BICC1: variants seen among roughly 807,000 people sequenced by gnomAD.
BICC1 encodes protein bicaudal C homolog 1.
Under a neutral mutation model 111.0 loss-of-function variants are expected in BICC1, and 43 were observed. The observed-to-expected ratio is 0.39, with a 90% CI of 0.30 to 0.50. The LOEUF is 0.50. Among genes scored for constraint, BICC1 ranks in the 20% least tolerant of loss-of-function variants. The pLI, the probability that BICC1 is intolerant of heterozygous loss-of-function variation, is 0.88. For synonymous variants in BICC1, 467 were observed against 434.4 expected (o/e 1.07, Z -0.93); for missense variants, 1,091 against 1,203.2 (o/e 0.91, Z 1.38).
intron 1 of BICC1, among the ~76,000 whole-genome samples, chr10:58,595,491 AG>A (rs762383858): frequency 1.3e-5 from 2 of 152,334 alleles, no homozygotes; most frequent in Non-Finnish European, 2.9e-5. Context: ...CAAATGCAAA[AG>A]AATGGAAATC....
rs772622061 is a variant in BICC1, at chr10:58,793,552, G to C, written c.1116G>C (p.Ala372=). 1 of 1,613,590 alleles carries C rather than the reference G, an allele frequency of 6.2e-7. No homozygotes were observed. Among genetic ancestry groups the C allele is most frequent in the South Asian group, 1.1e-5 (1 of 90,986 alleles). Residue 372 remains alanine (A), a synonymous_variant, in exon 9 of 21, where the codon GCG becomes GCC. Coordinates refer to ENST00000373886, the MANE Select transcript of BICC1 (RefSeq NM_001080512.3). Reference sequence around the variant, plus strand: ...TTGAAGTAGATCCACAATTCATTGCGCAGTTGATGGAACAGCTTGATGTCT... The same window carrying C: ...TTGAAGTAGATCCACAATTCATTGCCCAGTTGATGGAACAGCTTGATGTCT... ...EEIEVDPQFI[A]QLMEQLDVFI...
chr10:58,527,498 A>G lies in BICC1; in HGVS notation c.190+14165A>G, dbSNP rs1589064000. ...GTTTTTAGTCGTGAAGTCCTTGCCC[A>G]TGCCTGTGTCCTGAATAGTATTGTC... is the stretch of plus-strand genomic sequence containing the variant. On this transcript the variant is annotated intron_variant, in intron 1 of 20. Coordinates refer to ENST00000373886, the MANE Select transcript of BICC1 (RefSeq NM_001080512.3). 3.3e-5 allele frequency among the ~76,000 whole-genome samples: 5 copies of G among 152,284 alleles called. No individual in the cohort carries two copies. The South Asian group carries it at 1.0e-3, about 32-fold the overall frequency.
chr10:58,797,917 T>C (rs1481773446), intron 10 of BICC1, among the ~76,000 whole-genome samples: 1 of 152,190 alleles, frequency 6.6e-6, no homozygotes, highest in Non-Finnish European at 1.5e-5. Flanking sequence ...ATTTAGGAAC[T>C]GTTCTGGTAG....
intron 2 of BICC1, among the ~76,000 whole-genome samples, chr10:58,696,050 T>A (rs1281328746): frequency 6.6e-6 from 1 of 152,178 alleles, no homozygotes; most frequent in Admixed American, 6.6e-5. Flanking sequence ...AATTTGTAAT[T>A]CTAGCTTTTG....
intron 1 of BICC1, among the ~76,000 whole-genome samples, chr10:58,568,344 G>C (rs1843835701): frequency 6.6e-6 from 1 of 152,054 alleles, no homozygotes; most frequent in African/African-American, 2.4e-5. Context: ...GGCTGGCTTG[G>C]GAATGCCTTT....
At chr10:58,673,785 G>A (rs1435428887) in intron 2 of BICC1, among the ~76,000 whole-genome samples, 1 of 58,756 alleles carries the variant, frequency 1.7e-5, no homozygotes, top group Non-Finnish European at 3.6e-5. Flanking sequence ...ACCACGCCCA[G>A]CTTTTTTTTT....
intron 3 of BICC1, among the ~76,000 whole-genome samples, chr10:58,743,610 T>C (rs1312752464): frequency 2.6e-5 from 4 of 151,910 alleles, no homozygotes; most frequent in Non-Finnish European, 5.9e-5. Flanking sequence ...AACATCTCAG[T>C]TATGGTCTTA....
In BICC1 at chr10:58,695,876, T is replaced by C. The variant is rs191734071; in HGVS notation, c.238-6198T>C. ...GATTGAAGAATATGAATGGAAATTA[T>C]TTTTATCATGGATGAAACTACTTGT... On this transcript the variant is annotated intron_variant, in intron 2 of 20. Coordinates refer to ENST00000373886, the MANE Select transcript of BICC1 (RefSeq NM_001080512.3). 1.7e-4 allele frequency among the ~76,000 whole-genome samples: 26 copies of C among 152,352 alleles called. No individual in the cohort carries two copies. The South Asian group carries it at 3.7e-3, about 22-fold the overall frequency.
At chr10:58,665,465 G>A (rs1838979690) in intron 2 of BICC1, among the ~76,000 whole-genome samples, 1 of 151,968 alleles carries the variant, frequency 6.6e-6, no homozygotes, top group South Asian at 2.1e-4. Flanking sequence ...AAACTCCTTG[G>A]CCTCAGAGAG....
At chr10:58,548,766 T>C (rs1366636149) in intron 1 of BICC1, among the ~76,000 whole-genome samples, 1 of 152,174 alleles carries the variant, frequency 6.6e-6, no homozygotes, top group African/African-American at 2.4e-5. Context: ...TATTTATGTA[T>C]ATGCATATAA....
intron 2 of BICC1, among the ~76,000 whole-genome samples, chr10:58,680,380 C>T (rs747443292): frequency 9.9e-5 from 15 of 152,038 alleles, no homozygotes; most frequent in East Asian, 3.9e-4. Flanking sequence ...CATTCCTATA[C>T]GCCAATAACA....
intron 3 of BICC1, among the ~76,000 whole-genome samples, chr10:58,718,794 C>G (rs185977395): frequency 0.016 from 2,178 of 136,144 alleles, 59 homozygotes; most frequent in African/African-American, 0.062. Flanking sequence ...GTGCGCACGC[C>G]CGCGTGCTTA....
chr10:58,692,711 A>C (rs1228553061), intron 2 of BICC1, among the ~76,000 whole-genome samples: 4 of 147,472 alleles, frequency 2.7e-5, no homozygotes, highest in Non-Finnish European at 5.9e-5. Flanking sequence ...GGGAATTGTC[A>C]TACTCAGGAG....
intron 8 of BICC1, among the ~76,000 whole-genome samples, chr10:58,790,710 A>G (rs1417492881): frequency 2.6e-5 from 4 of 152,182 alleles, no homozygotes; most frequent in African/African-American, 9.7e-5. Flanking sequence ...CTGTAATCCC[A>G]GTTACTCAGG....
At chr10:58,583,065 A>G (rs995055833) in intron 1 of BICC1, among the ~76,000 whole-genome samples, 1 of 152,012 alleles carries the variant, frequency 6.6e-6, no homozygotes, top group East Asian at 1.9e-4. Flanking sequence ...CCCTAAACTT[A>G]GTCTTCCTCT....
chr10:58,593,629 A>G (rs1588904877), intron 1 of BICC1, among the ~76,000 whole-genome samples: 1 of 152,176 alleles, frequency 6.6e-6, no homozygotes, highest in Non-Finnish European at 1.5e-5. Flanking sequence ...AGAAAACTCC[A>G]GCAGACTGGC....
intron 1 of BICC1, among the ~76,000 whole-genome samples, chr10:58,588,479 C>G (rs974912336): frequency 2.6e-5 from 4 of 152,180 alleles, no homozygotes; most frequent in Admixed American, 1.3e-4. Context: ...AGAGCTGCTT[C>G]TGCATTTCAT....
At chr10:58,579,270 A>G (rs956759496) in intron 1 of BICC1, among the ~76,000 whole-genome samples, 7 of 152,196 alleles carry the variant, frequency 4.6e-5, no homozygotes, top group South Asian at 2.1e-4. Context: ...CACAAGGGCA[A>G]TAGTCCGCTC....
At chr10:58,605,322 C>T (rs1240586357) in intron 1 of BICC1, among the ~76,000 whole-genome samples, 1 of 152,170 alleles carries the variant, frequency 6.6e-6, no homozygotes, top group African/African-American at 2.4e-5. Context: ...CTTTTTATTC[C>T]TTGAGCTGTT....
Sources: allele counts gnomAD v4.1 joint callset (sites outside exome capture counted in the v4.1 genomes callset), GRCh38; gene constraint gnomAD v4.1.1; transcripts MANE v1.5; gene names NCBI Gene and HGNC (gene_info 2026-07-23, HGNC 2026-07-21).